The following TLN2 variants were observed in gnomAD, a reference collection of about 807,000 sequenced individuals.
TLN2 encodes talin 2.
A neutral mutation model predicts 294.7 loss-of-function variants in TLN2; 118 were observed. The observed-to-expected ratio is 0.40, with a 90% CI of 0.34 to 0.47. TLN2 has a LOEUF of 0.47. TLN2 is among the 20% of genes least tolerant of loss of function. The pLI is 0.84. For synonymous variants in TLN2, 1,431 were observed against 1,304.5 expected (o/e 1.10, Z -2.09); for missense variants, 3,083 against 3,282.2 (o/e 0.94, Z 1.48).
chr15:62,840,642 A>G lies in TLN2; in HGVS notation c.*32A>G, dbSNP rs750870624. On this transcript the variant is annotated 3_prime_UTR_variant, in exon 59 of 59. Transcript: ENST00000636159. ...GAGCCCAGATGGCGAGCCCCAGGGG[A>G]TGGCCCTGGCTGAACTGGACAGACA... 2.5e-6 allele frequency: 4 copies of G among 1,608,968 alleles called. No individual in the cohort carries two copies. The highest frequency in any genetic ancestry group is 3.4e-6 in the Non-Finnish European group (4 of 1,177,478).
At chr15:62,579,563 ATGCTGTGG>A (rs1455305463) in intron 1 of TLN2, among the ~76,000 whole-genome samples, 1 of 152,140 alleles carries the variant, frequency 6.6e-6, no homozygotes, top group African/African-American at 2.4e-5. Flanking sequence ...TGTTGCATTT[ATGCTGTGG>A]TGTGTTGGCT....
intron 6 of TLN2, 49 bp downstream of exon 6, chr15:62,652,183 A>G: frequency 6.9e-7 from 1 of 1,458,974 alleles, no homozygotes; most frequent in East Asian, 2.3e-5. Flanking sequence ...GTTTTTAATT[A>G]CAGGCCTCTT....
At chr15:62,392,935 T>C (rs1388057601) in intron 1 of TLN2, among the ~76,000 whole-genome samples, 1 of 152,076 alleles carries the variant, frequency 6.6e-6, no homozygotes, top group Non-Finnish European at 1.5e-5. Flanking sequence ...CTATGCAAAA[T>C]CAGAGGATGG....
intron 41 of TLN2, among the ~76,000 whole-genome samples, chr15:62,769,216 A>G (rs1361950383): frequency 3.3e-5 from 5 of 152,246 alleles, no homozygotes; most frequent in African/African-American, 1.2e-4. Context: ...CTCCTTTAGG[A>G]CATAAAGGAC....
chr15:62,575,605 A>AAC (rs147438095), intron 1 of TLN2, among the ~76,000 whole-genome samples: 91,998 of 149,966 alleles, frequency 0.61, 30,493 homozygotes, highest in South Asian at 0.77. Flanking sequence ...TCACTTAAAA[A>AAC]ACACACACAC....
chr15:62,697,632 C>T, intron 14 of TLN2, 56 bp from the exon 15 acceptor site: 2 of 1,540,852 alleles, frequency 1.3e-6, no homozygotes, highest in Admixed American at 2.0e-5. Context: ...GGGGTCTCCT[C>T]ATTGCACTCC....
chr15:62,467,416 G>T (rs1431895954), intron 1 of TLN2, among the ~76,000 whole-genome samples: 2 of 152,218 alleles, frequency 1.3e-5, no homozygotes, highest in African/African-American at 4.8e-5. Context: ...TTTAAGGCCG[G>T]CTGTGGTGGC....
intron 21 of TLN2, among the ~76,000 whole-genome samples, chr15:62,709,788 G>A (rs2059307208): frequency 6.6e-6 from 1 of 151,286 alleles, no homozygotes. Flanking sequence ...AGGCTGGGGT[G>A]CAGTGGCACA....
chr15:62,779,192 G>A (rs2063935096), intron 43 of TLN2, among the ~76,000 whole-genome samples: 1 of 152,266 alleles, frequency 6.6e-6, no homozygotes, highest in Non-Finnish European at 1.5e-5. Flanking sequence ...GCACTAGGAG[G>A]TTTGGAGACT....
chr15:62,778,087 T>G (rs2063845270), intron 43 of TLN2, among the ~76,000 whole-genome samples: 1 of 152,258 alleles, frequency 6.6e-6, no homozygotes, highest in Non-Finnish European at 1.5e-5. Context: ...AGATTGGTTG[T>G]TCATATCTCC....
intron 46 of TLN2, among the ~76,000 whole-genome samples, chr15:62,793,516 A>G (rs1229527569): frequency 6.6e-6 from 1 of 152,194 alleles, no homozygotes; most frequent in Non-Finnish European, 1.5e-5. Context: ...AGTGCCTGGT[A>G]CAGTGCCAGA....
intron 14 of TLN2, 123 bp from the exon 15 acceptor site, chr15:62,697,565 T>G (rs977984041): frequency 9.7e-7 from 1 of 1,031,500 alleles, no homozygotes; most frequent in African/African-American, 1.6e-5. Context: ...TCAGTCTGTA[T>G]GTGCCTCTTT....
At chr15:62,774,394 G>A (rs141435470) in intron 42 of TLN2, among the ~76,000 whole-genome samples, 52 of 152,276 alleles carry the variant, frequency 3.4e-4, no homozygotes, top group African/African-American at 1.2e-3. Context: ...TGGGCCCACC[G>A]ATGCCACTTA....
intron 4 of TLN2, 28 bp from the exon 5 acceptor site, chr15:62,650,056 T>A: frequency 1.2e-6 from 2 of 1,612,190 alleles, no homozygotes; most frequent in Non-Finnish European, 1.7e-6. Flanking sequence ...CACTTTGCCT[T>A]CTGTTTTTCT....
intron 54 of TLN2, among the ~76,000 whole-genome samples, chr15:62,824,240 C>T (rs2067837113): frequency 1.3e-5 from 2 of 152,078 alleles, no homozygotes; most frequent in South Asian, 4.1e-4. Flanking sequence ...TTCATAAGAG[C>T]CTGGGGTATT....
chr15:62,836,398 T>C (rs1454216446), intron 57 of TLN2, among the ~76,000 whole-genome samples: 1 of 152,220 alleles, frequency 6.6e-6, no homozygotes, highest in African/African-American at 2.4e-5. Context: ...ATCCCTCCTC[T>C]GTGCTTTGAG....
intron 1 of TLN2, among the ~76,000 whole-genome samples, chr15:62,530,048 G>A (rs961653395): frequency 1.3e-5 from 2 of 152,054 alleles, no homozygotes; most frequent in Non-Finnish European, 2.9e-5. Flanking sequence ...AAAATTAGCC[G>A]GGCCTTGTGG....
intron 44 of TLN2, 94 bp downstream of exon 44, chr15:62,781,335 A>G: frequency 2.1e-6 from 2 of 964,858 alleles, no homozygotes; most frequent in Admixed American, 3.9e-5. Flanking sequence ...TGTCAGAGAG[A>G]GAGCCCAGAC....
intron 1 of TLN2, among the ~76,000 whole-genome samples, chr15:62,574,866 T>C (rs2044253202): frequency 1.3e-5 from 2 of 152,170 alleles, no homozygotes; most frequent in African/African-American, 4.8e-5. Flanking sequence ...ATCCTAGCTT[T>C]TTTCTGTCTA....
Sources: gnomAD v4.1 joint callset for allele counts (sites outside exome capture counted in the v4.1 genomes callset) on GRCh38, gnomAD v4.1.1 for gene constraint, MANE v1.5 for transcripts, NCBI Gene and HGNC (gene_info 2026-07-23, HGNC 2026-07-21) for gene names.